EIF4EBP2: variants seen among roughly 807,000 people sequenced by gnomAD.
EIF4EBP2 encodes eukaryotic translation initiation factor 4E-binding protein 2.
EIF4EBP2 carries 5 observed loss-of-function variants against 10.3 expected under a neutral mutation model. That is an observed-to-expected ratio of 0.48 (90% confidence interval 0.25 to 1.02). The LOEUF (loss-of-function observed/expected upper bound fraction) is 1.02. Ranked by LOEUF, EIF4EBP2 falls within the 50% of genes least tolerant of loss-of-function variation. The pLI is 0.15. For missense variants in EIF4EBP2, 188 were observed against 162.2 expected (o/e 1.16, Z -0.86); for synonymous variants, 67 against 61.1 (o/e 1.10, Z -0.45).
At chr10:70,413,138 T>A (rs530581656) in intron 1 of EIF4EBP2, among the ~76,000 whole-genome samples, 11 of 152,212 alleles carry the variant, frequency 7.2e-5, no homozygotes, top group Non-Finnish European at 1.5e-4. Context: ...TGTCTCTTGT[T>A]TCTCATCCTC....
chr10:70,416,493 C>T (rs564257512), intron 1 of EIF4EBP2, among the ~76,000 whole-genome samples: 6 of 150,132 alleles, frequency 4.0e-5, no homozygotes, highest in African/African-American at 1.2e-4. Context: ...GCAGGAGAAT[C>T]GCTTGAACCC....
chr10:70,422,140 G>GAA lies in EIF4EBP2; in HGVS notation c.*394_*395dup, dbSNP rs1178728370. ...CAACTGCCTGGCTGGGAAGTCTGGGGAAGGGATACAGAGCTTGGTGGGCCT... is the reference window on the plus strand; with the variant it reads ...CAACTGCCTGGCTGGGAAGTCTGGGGAAAAGGGATACAGAGCTTGGTGGGCCT... On this transcript the variant is annotated 3_prime_UTR_variant, in exon 3 of 3. Coordinates refer to ENST00000373218, the MANE Select transcript of EIF4EBP2 (RefSeq NM_004096.5). 1 of 199,614 alleles carries GAA rather than the reference G, an allele frequency of 5.0e-6. No individual in the cohort carries two copies. The highest frequency in any genetic ancestry group is 1.0e-5 in the Non-Finnish European group (1 of 96,932). 12.4% of individuals were successfully genotyped at this position (199,614 alleles called of 1,614,324 possible).
intron 1 of EIF4EBP2, among the ~76,000 whole-genome samples, chr10:70,409,147 G>A (rs1392309423): frequency 6.6e-6 from 1 of 152,166 alleles, no homozygotes; most frequent in Non-Finnish European, 1.5e-5. Context: ...TCTCAAAATT[G>A]TCTTTCTGTG....
chr10:70,410,448 G>C (rs1296890267), intron 1 of EIF4EBP2, among the ~76,000 whole-genome samples: 1 of 152,204 alleles, frequency 6.6e-6, no homozygotes, highest in Admixed American at 6.5e-5. Context: ...AATGTGGTTT[G>C]GCCACCACCT....
intron 2 of EIF4EBP2, 48 bp from the exon 3 acceptor site, chr10:70,421,668 G>T (rs2137232870): frequency 6.4e-7 from 1 of 1,557,170 alleles, no homozygotes; most frequent in Admixed American, 1.7e-5. Context: ...AAACTGTTAT[G>T]CTTCTTTGTG....
At chr10:70,413,626 A>G (rs998954444) in intron 1 of EIF4EBP2, among the ~76,000 whole-genome samples, 1 of 151,810 alleles carries the variant, frequency 6.6e-6, no homozygotes. Flanking sequence ...AAAAAAAAAA[A>G]AAAAAGAAAT....
Position 70,422,411 on chromosome 10 carries a change from C to G in EIF4EBP2, c.*664C>G, listed in dbSNP as rs957154267. 1.3e-5 allele frequency: 2 copies of G among 152,248 alleles called. No homozygotes were observed. Among genetic ancestry groups the G allele is most frequent in the African/African-American group, 4.8e-5 (2 of 41,448 alleles). 9.4% of individuals were successfully genotyped at this position (152,248 alleles called of 1,614,324 possible). On this transcript the variant is annotated 3_prime_UTR_variant, in exon 3 of 3. Transcript: ENST00000373218. ...CCTTTCTTTCCTCTGGGAGGAATGT[C>G]TTCTGTCTTTGGTATTATAGTTCAT...
At chr10:70,413,040 A>G (rs2137227228) in intron 1 of EIF4EBP2, among the ~76,000 whole-genome samples, 1 of 152,314 alleles carries the variant, frequency 6.6e-6, no homozygotes, top group South Asian at 2.1e-4. Context: ...TAAATAATAT[A>G]TGTATACTGT....
rs540011699 is a variant in EIF4EBP2, at chr10:70,423,212, G to A, written c.*1465G>A. 2 of 152,696 alleles carry A rather than the reference G, an allele frequency of 1.3e-5. No individual in the cohort carries two copies. The highest frequency in any genetic ancestry group is 1.9e-4 in the East Asian group (1 of 5,186). The allele number at this position is 152,696 out of a possible 1,614,324, so 9.5% of individuals were successfully genotyped here. A position where few individuals can be genotyped will look rare whatever the true frequency, so the allele number is the denominator to read the frequency against. On this transcript the variant is annotated 3_prime_UTR_variant, in exon 3 of 3. Coordinates refer to ENST00000373218, the MANE Select transcript of EIF4EBP2 (RefSeq NM_004096.5). ...TTCCAGTGTTAGGAAGTTGAGAAACGTTCATAGGCAAGTCTGCTGTTCTAT... is the reference window on the plus strand; with the variant it reads ...TTCCAGTGTTAGGAAGTTGAGAAACATTCATAGGCAAGTCTGCTGTTCTAT...
chr10:70,419,385 GCTGTGAGAAGAATGTTAGT>G lies in EIF4EBP2; in HGVS notation c.146-526_146-508del, dbSNP rs532456733. 9.5e-4 allele frequency among the ~76,000 whole-genome samples: 144 copies of G among 152,308 alleles called. 1 individual carries two copies. The South Asian group carries it at 0.028, about 30-fold the overall frequency. ...GCTGCCAGTTTCAGCTTTGACTATA[GCTGTGAGAAGAATGTTAGT>G]CTCAGTCCTTCTTTGGAAAGCCTTT... is the stretch of plus-strand genomic sequence containing the variant. On this transcript the variant is annotated intron_variant, in intron 1 of 2. Coordinates refer to ENST00000373218, the MANE Select transcript of EIF4EBP2 (RefSeq NM_004096.5).
chr10:70,410,828 T>C (rs553643697), intron 1 of EIF4EBP2, among the ~76,000 whole-genome samples: 2 of 152,366 alleles, frequency 1.3e-5, no homozygotes, highest in African/African-American at 2.4e-5. Flanking sequence ...TGGGCCCTTA[T>C]GTGAGACATA....
chr10:70,404,666 C>A, intron 1 of EIF4EBP2, 120 bp downstream of exon 1: 1 of 1,305,150 alleles, frequency 7.7e-7, no homozygotes, highest in Non-Finnish European at 1.0e-6. Flanking sequence ...CCCGGGGACG[C>A]TGCCCTTGGG....
chr10:70,419,905 G>C lies in EIF4EBP2; in HGVS notation c.146-9G>C. On this transcript the variant is annotated splice_polypyrimidine_tract_variant and intron_variant, in intron 1 of 2. Transcript: ENST00000373218. ...ATTGTTTCAAACTCTTTTTAACCCT[G>C]TTTTCCAGGAACTCGAATCATTTAT... The C allele has an allele frequency of 1.3e-6, 2 of 1,560,906 alleles. No individual in the cohort carries two copies. The highest frequency in any genetic ancestry group is 1.7e-6 in the Non-Finnish European group (2 of 1,156,170).
Position 70,420,031 on chromosome 10 carries a change from T to G in EIF4EBP2, c.263T>G (p.Ile88Ser), listed in dbSNP as rs1050163532. The G allele has an allele frequency of 6.2e-7, 1 of 1,613,440 alleles. No homozygotes were observed. The highest frequency in any genetic ancestry group is 1.7e-5 in the Admixed American group (1 of 59,900). Residue 88 changes from isoleucine to serine, a missense_variant, in exon 2 of 3, where the codon ATT becomes AGT. Ile to Ser is a moderately radical substitution (Grantham distance 142, BLOSUM62 -2). Transcript: ENST00000373218. ...GGAGTCACTAGCCCTGGCACCTTAA[T>G]TGAAGACTCCAAAGTAGAAGTAAAC... ...IPGVTSPGTL[I>S]EDSKVEVNNL...
At chr10:70,419,877 T>G in intron 1 of EIF4EBP2, 37 bp from the exon 2 acceptor site, 1 of 1,483,088 alleles carries the variant, frequency 6.7e-7, no homozygotes. Flanking sequence ...GATAACCCCT[T>G]AAATTGTTTC....
chr10:70,414,240 C>G (rs1845070953), intron 1 of EIF4EBP2, among the ~76,000 whole-genome samples: 1 of 151,950 alleles, frequency 6.6e-6, no homozygotes. Flanking sequence ...TTTAAAAGGT[C>G]AGTTTCTTTT....
Position 70,404,250 on chromosome 10 carries a change from G to A in EIF4EBP2, c.-152G>A. 1 of 989,688 alleles carries A rather than the reference G, an allele frequency of 1.0e-6. No homozygotes were observed. Among genetic ancestry groups the A allele is most frequent in the Non-Finnish European group, 1.4e-6 (1 of 735,870 alleles). The allele number at this position is 989,688 out of a possible 1,614,324, so 61.3% of individuals were successfully genotyped here. On this transcript the variant is annotated 5_prime_UTR_variant, in exon 1 of 3. Coordinates refer to ENST00000373218, the MANE Select transcript of EIF4EBP2 (RefSeq NM_004096.5). ...GGCGGCGGCGGCGGCTGAGAGGGCG[G>A]CGGCGGGAGCGGAGCGGGACGAGGG...
Position 70,428,134 on chromosome 10 carries a change from A to G in EIF4EBP2, c.*6387A>G, listed in dbSNP as rs1231402885. On this transcript the variant is annotated 3_prime_UTR_variant, in exon 3 of 3. Coordinates refer to ENST00000373218, the MANE Select transcript of EIF4EBP2 (RefSeq NM_004096.5). ...TGCTGTGCGCCAGTGCCTTTCCTTC[A>G]TCTGCAGATGGAGCCCATCTCTTTC... 1 of 151,844 alleles carries G rather than the reference A, an allele frequency of 6.6e-6. No individual in the cohort carries two copies. Among genetic ancestry groups the G allele is most frequent in the East Asian group, 1.9e-4 (1 of 5,170 alleles). 9.4% of individuals were successfully genotyped at this position (151,844 alleles called of 1,614,324 possible).
chr10:70,414,776 A>G (rs1356562518), intron 1 of EIF4EBP2, among the ~76,000 whole-genome samples: 2 of 152,062 alleles, frequency 1.3e-5, no homozygotes, highest in East Asian at 1.9e-4. Flanking sequence ...GCTGAGGCAG[A>G]AGAATCACTT....
Sources: allele counts gnomAD v4.1 joint callset (sites outside exome capture counted in the v4.1 genomes callset), GRCh38; gene constraint gnomAD v4.1.1; transcripts MANE v1.5; gene names NCBI Gene and HGNC (gene_info 2026-07-23, HGNC 2026-07-21).